The following KIRREL3 variants were observed in gnomAD, a reference collection of about 807,000 sequenced individuals.
KIRREL3 encodes kirre like nephrin family adhesion molecule 3, also known as kin of IRRE-like protein 3.
Under a neutral mutation model 89.7 loss-of-function variants are expected in KIRREL3, and 36 were observed. The ratio of observed to expected loss-of-function variants is 0.40; its 90% CI spans 0.31 to 0.53. The LOEUF is 0.53. Among genes scored for constraint, KIRREL3 ranks in the 20% least tolerant of loss-of-function variants. The pLI, the probability that KIRREL3 is intolerant of heterozygous loss-of-function variation, is 0.49. For synonymous variants in KIRREL3, 445 were observed against 441.4 expected (o/e 1.01, Z -0.10); for missense variants, 864 against 1,056.6 (o/e 0.82, Z 2.53).
Position 126,676,222 on chromosome 11 carries a change from C to T in KIRREL3, c.56-113310G>A, listed in dbSNP as rs1478485560. Among the ~76,000 whole-genome samples the T allele has an allele frequency of 3.3e-5, 5 of 152,148 alleles. No homozygotes were observed. Among genetic ancestry groups the T allele is most frequent in the Non-Finnish European group, 7.4e-5 (5 of 68,022 alleles). ...TCAGCATCAAGGTGCTAGTAACTAT[C>T]ACGGGCAAAGATGAAATCAGCTAGG... On this transcript the variant is annotated intron_variant, in intron 1 of 16. Coordinates refer to ENST00000525144, the MANE Select transcript of KIRREL3 (RefSeq NM_032531.4). The surrounding 1 kb of genome is among the most constrained non-coding windows in gnomAD (Gnocchi z 4.5).
intron 1 of KIRREL3, among the ~76,000 whole-genome samples, chr11:126,646,365 T>C (rs1373141807): frequency 6.6e-6 from 1 of 152,186 alleles, no homozygotes; most frequent in African/African-American, 2.4e-5. Context: ...GCAGTTGACC[T>C]CTTGAAACAA....
rs1939428653 is a variant in KIRREL3, at chr11:126,553,255, C to T, written c.133+9580G>A. ...TCAGCTGTCCAAATGCATACAATATCTTCTGTTCCATTTTTTTTTAAATGA... is the reference window on the plus strand; with the variant it reads ...TCAGCTGTCCAAATGCATACAATATTTTCTGTTCCATTTTTTTTTAAATGA... On this transcript the variant is annotated intron_variant, in intron 2 of 16. Coordinates refer to ENST00000525144, the MANE Select transcript of KIRREL3 (RefSeq NM_032531.4). This position sits in a 1 kb window ranked among gnomAD's most constrained non-coding sequence, Gnocchi z 4.7. Among the ~76,000 whole-genome samples, 1 of 145,488 alleles carries T rather than the reference C, an allele frequency of 6.9e-6. No individual in the cohort carries two copies. The highest frequency in any genetic ancestry group is 2.7e-5 in the African/African-American group (1 of 36,862).
intron 1 of KIRREL3, among the ~76,000 whole-genome samples, chr11:126,745,911 A>G (rs2134232700): frequency 6.6e-6 from 1 of 152,296 alleles, no homozygotes; most frequent in East Asian, 1.9e-4. Context: ...TACTCCTGAA[A>G]GGGGCACACT....
intron 9 of KIRREL3, 79 bp downstream of exon 9, chr11:126,446,680 G>T: frequency 6.9e-7 from 1 of 1,438,912 alleles, no homozygotes; most frequent in Non-Finnish European, 9.4e-7. Flanking sequence ...AGTGAGAGGG[G>T]CCTGGGCAGC....
intron 4 of KIRREL3, among the ~76,000 whole-genome samples, chr11:126,499,112 A>G (rs1957768084): frequency 6.9e-6 from 1 of 145,182 alleles, no homozygotes; most frequent in African/African-American, 2.6e-5. Context: ...AGATTGTGCC[A>G]CTGCACCCCA....
At chr11:126,921,539 TTTTC>T (rs1212339512) in intron 1 of KIRREL3, among the ~76,000 whole-genome samples, 32 of 138,558 alleles carry the variant, frequency 2.3e-4, no homozygotes, top group South Asian at 5.1e-4. Context: ...CTGTCTTTCT[TTTTC>T]TTTCTATCTA....
chr11:126,738,523 A>T (rs977920202), intron 1 of KIRREL3, among the ~76,000 whole-genome samples: 4 of 152,142 alleles, frequency 2.6e-5, no homozygotes, highest in African/African-American at 9.7e-5. Flanking sequence ...TAGTATTCAG[A>T]CTGAGTTTCC....
intron 1 of KIRREL3, among the ~76,000 whole-genome samples, chr11:126,775,000 C>T (rs1950129596): frequency 6.6e-6 from 1 of 152,182 alleles, no homozygotes; most frequent in Non-Finnish European, 1.5e-5. Context: ...CTCCTAGATG[C>T]AGTCTGTCTT....
intron 1 of KIRREL3, among the ~76,000 whole-genome samples, chr11:126,691,132 A>C (rs1946864521): frequency 6.6e-6 from 1 of 152,212 alleles, no homozygotes; most frequent in African/African-American, 2.4e-5. Context: ...AGAGTATGGA[A>C]GTATGACAAT....
At position 126,796,928 on chromosome 11, in the gene KIRREL3, G is replaced by A. The variant is rs1168699531; in HGVS notation, c.55+203527C>T. ...CTTAGAAAAAGATCTGCCTGATTGG[G>A]GTTGTGAGCTAGCACAGAGCAGGAA... On this transcript the variant is annotated intron_variant, in intron 1 of 16. Transcript: ENST00000525144. The surrounding 1 kb of genome is among the most constrained non-coding windows in gnomAD (Gnocchi z 5.1). 6.6e-6 allele frequency among the ~76,000 whole-genome samples: 1 copy of A among 152,202 alleles called. No individual in the cohort carries two copies.
chr11:126,694,511 C>T lies in KIRREL3; in HGVS notation c.56-131599G>A, dbSNP rs1245349081. 1.3e-5 allele frequency among the ~76,000 whole-genome samples: 2 copies of T among 152,158 alleles called. No individual in the cohort carries two copies. Among genetic ancestry groups the T allele is most frequent in the Admixed American group, 1.3e-4 (2 of 15,288 alleles). On this transcript the variant is annotated intron_variant, in intron 1 of 16. Coordinates refer to ENST00000525144, the MANE Select transcript of KIRREL3 (RefSeq NM_032531.4). The surrounding 1 kb of genome is among the most constrained non-coding windows in gnomAD (Gnocchi z 4.4). ...GGAGAATGATTGCTCAGGCCTCCAT[C>T]AGCTCCAGGCGGGTGTGGGGAATGC... is the stretch of plus-strand genomic sequence containing the variant.
chr11:126,800,122 T>G (rs1950984660), intron 1 of KIRREL3, among the ~76,000 whole-genome samples: 1 of 152,222 alleles, frequency 6.6e-6, no homozygotes, highest in South Asian at 2.1e-4. Flanking sequence ...CCGCTGCATC[T>G]AGGACACATC....
chr11:126,458,624 T>C (rs1956449663), intron 6 of KIRREL3, among the ~76,000 whole-genome samples: 1 of 152,184 alleles, frequency 6.6e-6, no homozygotes, highest in Admixed American at 6.5e-5. Context: ...GTTTTCTGAG[T>C]AGCAGGTGGC....
At chr11:126,816,146 C>T (rs145308838) in intron 1 of KIRREL3, among the ~76,000 whole-genome samples, 145 of 152,102 alleles carry the variant, frequency 9.5e-4, no homozygotes, top group Non-Finnish European at 1.7e-3. Flanking sequence ...AGATAATTGC[C>T]GTATTGGAGT....
chr11:126,618,064 G>C (rs1359454279), intron 1 of KIRREL3, among the ~76,000 whole-genome samples: 1 of 152,220 alleles, frequency 6.6e-6, no homozygotes, highest in African/African-American at 2.4e-5. Context: ...TTGTTCTCAT[G>C]ATAGTGAGTA....
intron 4 of KIRREL3, among the ~76,000 whole-genome samples, chr11:126,478,773 G>GTGTGTGTGTGTATATGTGTGTGTATATA (rs1957147993): frequency 6.6e-6 from 1 of 152,132 alleles, no homozygotes; most frequent in African/African-American, 2.4e-5. Context: ...GTGTGTATAT[G>GTGTGTGTGTGTATATGTGTGTGTATATA]TGTGTTTGTG....
rs1949585157 is a variant in KIRREL3, at chr11:126,758,847, G to T, written c.56-195935C>A. ...CAGAAAAAGCTTTGACCGATATGAAGTGTGGCATACTGTTATTTTTTTAAC... is the reference window on the plus strand; with the variant it reads ...CAGAAAAAGCTTTGACCGATATGAATTGTGGCATACTGTTATTTTTTTAAC... On this transcript the variant is annotated intron_variant, in intron 1 of 16. Transcript: ENST00000525144. Among the ~76,000 whole-genome samples, 4 of 152,162 alleles carry T rather than the reference G, an allele frequency of 2.6e-5. No individual in the cohort carries two copies. In the South Asian group the frequency reaches 8.3e-4, roughly 31 times the overall value.
rs1383302311 is a variant in KIRREL3 at position 126,943,234 on chromosome 11, G to A, written c.55+57221C>T. ...TTTCTGGGCCTTAAGCAGCTCCCAT[G>A]GTAAAACATTCACCGTCATTCTTTC... On this transcript the variant is annotated intron_variant, in intron 1 of 16. Transcript: ENST00000525144. The surrounding 1 kb of genome is among the most constrained non-coding windows in gnomAD (Gnocchi z 4.2). Among the ~76,000 whole-genome samples, 1 of 152,150 alleles carries A rather than the reference G, an allele frequency of 6.6e-6. No homozygotes were observed. Among genetic ancestry groups the A allele is most frequent in the Non-Finnish European group, 1.5e-5 (1 of 68,028 alleles).
intron 1 of KIRREL3, among the ~76,000 whole-genome samples, chr11:126,654,126 G>A (rs186108958): frequency 2.1e-4 from 32 of 152,228 alleles, no homozygotes; most frequent in African/African-American, 7.7e-4. Context: ...GCTGTGTTTC[G>A]GTATCTGCAT....
Sources: allele counts gnomAD v4.1 joint callset (sites outside exome capture counted in the v4.1 genomes callset), GRCh38; gene constraint gnomAD v4.1.1; non-coding constraint Gnocchi (gnomAD v3.1); transcripts MANE v1.5; gene names NCBI Gene and HGNC (gene_info 2026-07-23, HGNC 2026-07-21).